CCDC7: variants seen among roughly 807,000 people sequenced by gnomAD.
The protein encoded by CCDC7 is coiled-coil domain containing 7, also known as coiled-coil domain-containing protein 7.
In CCDC7, 183 loss-of-function variants were observed where a neutral mutation model predicts 196.9. The observed-to-expected ratio is 0.93, with a 90% confidence interval of 0.82 to 1.05. The LOEUF (loss-of-function observed/expected upper bound fraction) is 1.05, where lower values mean the gene tolerates loss of function less well. Among genes scored for constraint, CCDC7 ranks in the 50% least tolerant of loss-of-function variants. The probability of loss-of-function intolerance (pLI) is 0.00; values close to 1 mark genes in which losing one functional copy is unlikely to be tolerated. For synonymous variants in CCDC7, 525 were observed against 484.6 expected, an observed-to-expected ratio of 1.08 and a Z score of -1.10; for missense variants, 1,540 against 1,482.2, an observed-to-expected ratio of 1.04 and a Z score of -0.64.
intron 21 of CCDC7, among the ~76,000 whole-genome samples, chr10:32,666,419 C>T (rs2072734681): frequency 6.6e-6 from 1 of 151,988 alleles, no homozygotes. Flanking sequence ...GGTACATGTA[C>T]ACAACGTGCA....
chr10:32,798,049 G>A (rs975456761), intron 29 of CCDC7, among the ~76,000 whole-genome samples: 5 of 152,156 alleles, frequency 3.3e-5, no homozygotes, highest in Non-Finnish European at 5.9e-5. Flanking sequence ...AATACTACGT[G>A]GAATACCATG....
chr10:32,656,611 G>A (rs747367555), intron 20 of CCDC7, among the ~76,000 whole-genome samples: 5 of 152,150 alleles, frequency 3.3e-5, no homozygotes, highest in Admixed American at 6.5e-5. Context: ...AACTGCCCCC[G>A]TGATTCAGTC....
At chr10:32,796,442 T>C (rs2083568778) in intron 29 of CCDC7, among the ~76,000 whole-genome samples, 1 of 152,222 alleles carries the variant, frequency 6.6e-6, no homozygotes, top group Non-Finnish European at 1.5e-5. Context: ...CATTTCTGGC[T>C]GCAACTATGT....
At chr10:32,846,237 AC>A (rs1212592523) in intron 36 of CCDC7, 138 bp from the exon 38 acceptor site, 2 of 630,038 alleles carry the variant, frequency 3.2e-6, no homozygotes, top group African/African-American at 3.7e-5. Flanking sequence ...TGTTATTATT[AC>A]ATAGGTACCT....
intron 18 of CCDC7, among the ~76,000 whole-genome samples, chr10:32,611,435 T>C (rs1366699896): frequency 6.6e-6 from 1 of 152,226 alleles, no homozygotes; most frequent in Admixed American, 6.5e-5. Flanking sequence ...TTAGATCTTA[T>C]TTGTCAGTTT....
chr10:32,593,082 T>A (rs1317885198), intron 18 of CCDC7, among the ~76,000 whole-genome samples: 2 of 152,214 alleles, frequency 1.3e-5, no homozygotes, highest in African/African-American at 4.8e-5. Context: ...GATGGCTGGA[T>A]CAAATGGTAT....
At chr10:32,622,428 A>C (rs1029567393) in intron 18 of CCDC7, among the ~76,000 whole-genome samples, 1 of 151,922 alleles carries the variant, frequency 6.6e-6, no homozygotes, top group Non-Finnish European at 1.5e-5. Flanking sequence ...TTGGGCAGCA[A>C]TTTAGATAAT....
rs1218817382 is a variant in CCDC7, at chr10:32,793,687, ATGT to A, written c.3014-11323_3014-11321del. On this transcript the variant is annotated intron_variant, in intron 29 of 41. Coordinates refer to ENST00000639629, the Ensembl canonical transcript of CCDC7. The stretch of plus-strand genomic sequence containing the variant: ...ATTCATACATTTGTTATTCAAGAAA[ATGT>A]TGTTTAATTTCCATGTGTTAATACA... Among the ~76,000 whole-genome samples, 3 of 152,182 alleles carry A rather than the reference ATGT, an allele frequency of 2.0e-5. No individual in the cohort carries two copies. In the South Asian group the frequency reaches 6.2e-4, roughly 31 times the overall value.
intron 24 of CCDC7, among the ~76,000 whole-genome samples, chr10:32,705,984 A>G (rs1411480799): frequency 6.6e-6 from 1 of 152,146 alleles, no homozygotes; most frequent in Non-Finnish European, 1.5e-5. Flanking sequence ...GGACATCTAC[A>G]GAACTTTCCA....
intron 24 of CCDC7, among the ~76,000 whole-genome samples, chr10:32,701,847 T>G (rs1370422866): frequency 6.6e-6 from 1 of 152,206 alleles, no homozygotes; most frequent in Non-Finnish European, 1.5e-5. Context: ...TGTATTTCTG[T>G]GGGATCGGTG....
chr10:32,539,442 GTCTA>G (rs957778230), intron 11 of CCDC7, among the ~76,000 whole-genome samples: 2 of 151,752 alleles, frequency 1.3e-5, no homozygotes, highest in African/African-American at 4.8e-5. Flanking sequence ...GTAGCTAGTG[GTCTA>G]TCTTATTATT....
intron 6 of CCDC7, 62 bp from the exon 8 acceptor site, chr10:32,472,419 T>G: frequency 7.1e-7 from 1 of 1,413,548 alleles, no homozygotes; most frequent in Non-Finnish European, 9.4e-7. Flanking sequence ...GTTATTTTAG[T>G]GTAATTTAAA....
At chr10:32,574,636 A>G (rs1042315583) in intron 16 of CCDC7, 10 of 486,196 alleles carry the variant, frequency 2.1e-5, no homozygotes, top group Non-Finnish European at 3.1e-5. Flanking sequence ...GATTTTAATA[A>G]TTTATTGTTT....
chr10:32,446,498 C>T (rs1018003302), intron 1 of CCDC7, 101 bp downstream of exon 1: 1 of 152,408 alleles, frequency 6.6e-6, no homozygotes, highest in African/African-American at 2.4e-5. Flanking sequence ...GCCTGGCTGC[C>T]TCCGTGGCGG....
chr10:32,736,141 G>T (rs2084828421), intron 28 of CCDC7, among the ~76,000 whole-genome samples: 1 of 151,962 alleles, frequency 6.6e-6, no homozygotes, highest in Admixed American at 6.6e-5. Flanking sequence ...ACTATTCTGG[G>T]TCTTTTGCCT....
chr10:32,693,455 T>G (rs1467067996), intron 23 of CCDC7, among the ~76,000 whole-genome samples: 1 of 152,146 alleles, frequency 6.6e-6, no homozygotes. Flanking sequence ...AGTTTTCCCC[T>G]TCGTAGGTAT....
At chr10:32,597,105 T>C (rs572621283) in intron 18 of CCDC7, among the ~76,000 whole-genome samples, 7 of 152,208 alleles carry the variant, frequency 4.6e-5, no homozygotes, top group Non-Finnish European at 8.8e-5. Flanking sequence ...TCCTGGATAG[T>C]ATCCTGAAGA....
At chr10:32,493,548 A>G (rs1340901351) in intron 9 of CCDC7, among the ~76,000 whole-genome samples, 1 of 151,798 alleles carries the variant, frequency 6.6e-6, no homozygotes, top group Non-Finnish European at 1.5e-5. Flanking sequence ...CTTTAGATGT[A>G]TACTCAGAAA....
exon 14 of CCDC7, chr10:32,565,561 G>T: frequency 1.2e-6 from 2 of 1,608,552 alleles, no homozygotes; most frequent in Non-Finnish European, 1.7e-6. Flanking sequence ...TTCCTAGAAA[G>T]TAGCACGTCT....
Sources: allele counts gnomAD v4.1 joint callset (sites outside exome capture counted in the v4.1 genomes callset), GRCh38; gene constraint gnomAD v4.1.1; transcripts MANE v1.5; gene names NCBI Gene and HGNC (gene_info 2026-07-23, HGNC 2026-07-21).